The following COL6A5 variants were observed in gnomAD, a reference collection of about 807,000 sequenced individuals.
The protein encoded by COL6A5 is collagen alpha-5(VI) chain.
In COL6A5, 48 loss-of-function variants were observed where a neutral mutation model predicts 65.6. That is an observed-to-expected ratio of 0.73 (90% CI 0.58 to 0.93). The LOEUF is 0.93. COL6A5 is among the 40% of genes least tolerant of loss of function. The probability of loss-of-function intolerance (pLI) is 0.00; values close to 1 mark genes in which losing one functional copy is unlikely to be tolerated. For missense variants in COL6A5, 914 were observed against 928.3 expected (o/e 0.98, Z 0.20); for synonymous variants, 291 against 322.8 (o/e 0.90, Z 1.05).
chr3:130,389,199 G>A, intron 6 of COL6A5, 65 bp downstream of exon 6: 1 of 1,136,478 alleles, frequency 8.8e-7, no homozygotes, highest in Non-Finnish European at 1.2e-6. Flanking sequence ...ATGAGAAACA[G>A]TGAATGGCAC....
intron 7 of COL6A5, 86 bp downstream of exon 40, chr3:130,472,012 C>T (rs1029442431): frequency 2.4e-6 from 3 of 1,240,448 alleles, no homozygotes; most frequent in African/African-American, 3.0e-5. Flanking sequence ...TTAGAATTCA[C>T]TGGGAGAGGT....
chr3:130,376,473 C>T, exon 3 of COL6A5: 1 of 1,611,608 alleles, frequency 6.2e-7, no homozygotes, highest in East Asian at 2.2e-5. Context: ...GAAGAACTTT[C>T]AGTTCATTGG....
chr3:130,380,965 C>T (rs901201754), intron 4 of COL6A5, among the ~76,000 whole-genome samples: 1 of 152,000 alleles, frequency 6.6e-6, no homozygotes, highest in African/African-American at 2.4e-5. Context: ...TTCCTAGGAT[C>T]GTTGTCCAAA....
chr3:130,406,658 G>A (rs909032162), intron 17 of COL6A5, among the ~76,000 whole-genome samples: 1 of 151,468 alleles, frequency 6.6e-6, no homozygotes, highest in African/African-American at 2.4e-5. Context: ...TAATTTCTGT[G>A]TTGTCTTTAT....
chr3:130,416,175 T>C (rs1317047830), intron 23 of COL6A5, among the ~76,000 whole-genome samples: 2 of 152,124 alleles, frequency 1.3e-5, no homozygotes, highest in Non-Finnish European at 2.9e-5. Context: ...TCCTGAGAAA[T>C]AAGAGTTTGA....
At chr3:130,470,841 T>C (rs999783971) in intron 6 of COL6A5, 30 bp from the exon 39 acceptor site, 10 of 1,539,818 alleles carry the variant, frequency 6.5e-6, no homozygotes, top group Non-Finnish European at 9.0e-6. Context: ...GTGGGTAAAA[T>C]TTAGACTAAC....
At chr3:130,483,334 C>T (rs1481558386) in intron 7 of COL6A5, among the ~76,000 whole-genome samples, 1 of 152,116 alleles carries the variant, frequency 6.6e-6, no homozygotes, top group African/African-American at 2.4e-5. Context: ...GCAAAATAAC[C>T]AGCTAGCATC....
At chr3:130,461,591 A>G (rs943061089) in intron 5 of COL6A5, among the ~76,000 whole-genome samples, 1 of 152,098 alleles carries the variant, frequency 6.6e-6, no homozygotes, top group South Asian at 2.1e-4. Context: ...TGGACTTTTA[A>G]CAATGTATGC....
chr3:130,383,090 A>G (rs1936063155), intron 4 of COL6A5, among the ~76,000 whole-genome samples: 1 of 152,090 alleles, frequency 6.6e-6, no homozygotes, highest in African/African-American at 2.4e-5. Context: ...CTATATTTAT[A>G]TATGTATCTG....
exon 1 of COL6A5, chr3:130,345,860 A>G (rs1186114687): frequency 2.8e-5 from 11 of 398,438 alleles, no homozygotes; most frequent in Non-Finnish European, 4.4e-5. Flanking sequence ...GCTCTATCCA[A>G]CTGCGCCGCG....
intron 24 of COL6A5, among the ~76,000 whole-genome samples, chr3:130,418,138 G>A (rs571124616): frequency 1.8e-4 from 27 of 152,192 alleles, no homozygotes; most frequent in Non-Finnish European, 2.9e-4. Flanking sequence ...CAACATATAT[G>A]TATATCAAAT....
rs1469567501 is a variant in COL6A5, at chr3:130,391,255, T to G, written c.2493T>G (p.Asp831Glu). ...GTAGCATAAAAAAACAATATCAAGA[T>G]CACATGATTAACCTAACTATCCATT... The change falls in exon 7 of 42, where the codon GAT becomes GAG. Residue 831 changes from aspartate (D) to glutamate (E), a missense_variant and NMD_transcript_variant. By Grantham distance (45) the Asp-to-Glu change is conservative. Coordinates refer to the COL6A5 transcript ENST00000312481. 1.3e-6 allele frequency: 2 copies of G among 1,551,616 alleles called. No homozygotes were observed. The highest frequency in any genetic ancestry group is 3.9e-5 in the Admixed American group (2 of 50,996).
intron 1 of COL6A5, among the ~76,000 whole-genome samples, chr3:130,365,595 T>C (rs1468183564): frequency 1.3e-5 from 2 of 152,188 alleles, no homozygotes; most frequent in Non-Finnish European, 2.9e-5. Flanking sequence ...TTTATGTACA[T>C]GGTCTCATGT....
intron 5 of COL6A5, among the ~76,000 whole-genome samples, chr3:130,457,662 TA>T (rs1468906985): frequency 6.6e-6 from 1 of 152,094 alleles, no homozygotes; most frequent in Non-Finnish European, 1.5e-5. Context: ...GACAGAAGGA[TA>T]ATGTGTATTT....
chr3:130,445,036 A>G (rs1171196192), intron 4 of COL6A5, among the ~76,000 whole-genome samples: 1 of 152,192 alleles, frequency 6.6e-6, no homozygotes, highest in Admixed American at 6.5e-5. Context: ...TAAATCATTA[A>G]TTTGATTTGC....
intron 1 of COL6A5, among the ~76,000 whole-genome samples, chr3:130,433,194 T>A (rs1937894644): frequency 6.6e-6 from 1 of 152,142 alleles, no homozygotes; most frequent in Non-Finnish European, 1.5e-5. Context: ...TCCTGTGGTT[T>A]TCAGTTTTTC....
chr3:130,378,024 C>G (rs1365293985), intron 3 of COL6A5, among the ~76,000 whole-genome samples: 1 of 152,132 alleles, frequency 6.6e-6, no homozygotes, highest in Non-Finnish European at 1.5e-5. Context: ...CTTCTAAGAA[C>G]TCACAGATGG....
In COL6A5 at chr3:130,441,021, C is replaced by T. The variant is rs72984330; in HGVS notation, c.1241+196C>T. On this transcript the variant is annotated intron_variant, in intron 3 of 7. Coordinates refer to ENST00000512836, the Ensembl canonical transcript of COL6A5. Reference sequence around the variant, plus strand: ...GTCACAAAATGGTGAGGCCTGAGGCCTTTTTTTATGATAGTGTGTCTTTTA... The same window carrying T: ...GTCACAAAATGGTGAGGCCTGAGGCTTTTTTTTATGATAGTGTGTCTTTTA... 7.8e-3 allele frequency among the ~76,000 whole-genome samples: 1,187 copies of T among 152,004 alleles called. 15 individuals carry two copies. Among genetic ancestry groups the T allele is most frequent in the African/African-American group, 0.027 (1,118 of 41,452 alleles).
intron 4 of COL6A5, among the ~76,000 whole-genome samples, chr3:130,380,697 T>C (rs1935966631): frequency 6.6e-6 from 1 of 152,156 alleles, no homozygotes; most frequent in South Asian, 2.1e-4. Flanking sequence ...TTTTAATTCA[T>C]TTTAATAGCC....
Sources: gnomAD v4.1 joint callset for allele counts (sites outside exome capture counted in the v4.1 genomes callset) on GRCh38, gnomAD v4.1.1 for gene constraint, MANE v1.5 for transcripts, NCBI Gene and HGNC (gene_info 2026-07-23, HGNC 2026-07-21) for gene names.